SYN2: variants seen among roughly 807,000 people sequenced by gnomAD.
SYN2 encodes the protein synapsin-2.
In SYN2, 19 loss-of-function variants were observed where a neutral mutation model predicts 50.9. The ratio of observed to expected loss-of-function variants is 0.37; its 90% CI spans 0.26 to 0.55. The LOEUF (loss-of-function observed/expected upper bound fraction) is 0.55. Among genes scored for constraint, SYN2 ranks in the 20% least tolerant of loss-of-function variants. The pLI is 0.81. For missense variants in SYN2, 587 were observed against 576.4 expected (o/e 1.02, Z -0.19); for synonymous variants, 255 against 224.9 (o/e 1.13, Z -1.20).
chr3:12,103,373 A>G (rs894243531), intron 1 of SYN2, among the ~76,000 whole-genome samples: 6 of 152,240 alleles, frequency 3.9e-5, no homozygotes, highest in Non-Finnish European at 8.8e-5. Context: ...CAAGATGAAC[A>G]TTGTTTGTAT....
In SYN2 at chr3:12,141,953, GCT is replaced by G; in HGVS notation, c.485_486del (p.Ala162GlyfsTer34). On this transcript the variant is annotated frameshift_variant, in exon 3 of 13. Coordinates refer to ENST00000621198, the MANE Select transcript of SYN2 (RefSeq NM_133625.6). LOFTEE classifies it high-confidence loss of function. ...GGTGGCCCATGCAGATGGCACCTAT[GCT>G]GTGGATATGCAGGTTCTCCGGAATG... ...NLVAHADGTY[A>X]VDMQVLRNGT... 1.3e-6 allele frequency: 1 copy of G among 780,870 alleles called. No homozygotes were observed. The highest frequency in any genetic ancestry group is 2.4e-6 in the Non-Finnish European group (1 of 417,952). 48.4% of individuals were successfully genotyped at this position (780,870 alleles called of 1,614,324 possible). A position where few individuals can be genotyped will look rare whatever the true frequency, so the allele number is the denominator to read the frequency against.
chr3:12,105,576 A>C (rs1696167953), intron 1 of SYN2, among the ~76,000 whole-genome samples: 1 of 150,796 alleles, frequency 6.6e-6, no homozygotes, highest in Non-Finnish European at 1.5e-5. Context: ...ACCATGCTCT[A>C]GGGCAACTCC....
intron 1 of SYN2, among the ~76,000 whole-genome samples, chr3:12,098,856 CATATATATAT>C (rs35420190): frequency 6.0e-5 from 8 of 133,658 alleles, no homozygotes; most frequent in African/African-American, 2.0e-4. Context: ...AAAGCAAAAG[CATATATATAT>C]ATATATATAT....
chr3:12,130,406 T>G (rs1696770229), intron 1 of SYN2, among the ~76,000 whole-genome samples: 1 of 152,104 alleles, frequency 6.6e-6, no homozygotes, highest in Non-Finnish European at 1.5e-5. Flanking sequence ...GGTATAAGTT[T>G]CAATCTGAGT....
At chr3:12,154,049 C>G (rs1053745386) in intron 5 of SYN2, among the ~76,000 whole-genome samples, 1 of 152,174 alleles carries the variant, frequency 6.6e-6, no homozygotes, top group Non-Finnish European at 1.5e-5. Context: ...TAAACATTTA[C>G]AGTAAATTTA....
rs1698436051 is a variant in SYN2, at chr3:12,191,088, G to C, written c.*463G>C. 1 of 986,322 alleles carries C rather than the reference G, an allele frequency of 1.0e-6. No homozygotes were observed. The highest frequency in any genetic ancestry group is 4.7e-5 in the South Asian group (1 of 21,434). The allele number at this position is 986,322 out of a possible 1,614,324, so 61.1% of individuals were successfully genotyped here. On this transcript the variant is annotated 3_prime_UTR_variant, in exon 13 of 13. Coordinates refer to ENST00000621198, the MANE Select transcript of SYN2 (RefSeq NM_133625.6). ...AAAGTACTCTTGGCCCTAAGTTTTA[G>C]GAACTTTCCCCGACCTGGATCCCTT...
chr3:12,179,413 T>C (rs1452051062), intron 10 of SYN2, among the ~76,000 whole-genome samples: 1 of 144,948 alleles, frequency 6.9e-6, no homozygotes, highest in Admixed American at 6.9e-5. Flanking sequence ...AACGAATTCA[T>C]GGAAGCCTAG....
intron 8 of SYN2, among the ~76,000 whole-genome samples, chr3:12,167,992 T>C (rs1436984034): frequency 6.6e-6 from 1 of 152,152 alleles, no homozygotes; most frequent in Non-Finnish European, 1.5e-5. Context: ...GAATTTAGGA[T>C]TGATGGCCTA....
chr3:12,151,186 T>G, intron 4 of SYN2, 51 bp from the exon 5 acceptor site: 2 of 1,317,352 alleles, frequency 1.5e-6, no homozygotes, highest in Non-Finnish European at 2.2e-6. Context: ...ATGTTTCATC[T>G]GTTTCAGAAG....
intron 1 of SYN2, among the ~76,000 whole-genome samples, chr3:12,044,207 A>ACACC (rs1553610016): frequency 0.093 from 13,504 of 144,628 alleles, 654 homozygotes; most frequent in South Asian, 0.13. Flanking sequence ...ACACACACAC[A>ACACC]CACACACACA....
chr3:12,120,117 A>G (rs1696521511), intron 1 of SYN2, among the ~76,000 whole-genome samples: 1 of 152,306 alleles, frequency 6.6e-6, no homozygotes, highest in South Asian at 2.1e-4. Context: ...CCAGGGCTCC[A>G]TAGAACATGG....
intron 1 of SYN2, among the ~76,000 whole-genome samples, chr3:12,050,986 C>T (rs962081089): frequency 2.6e-5 from 4 of 151,592 alleles, no homozygotes; most frequent in Admixed American, 1.3e-4. Context: ...CCACCCGCCT[C>T]GGCCTCCCAA....
chr3:12,063,032 A>G (rs1470211283), intron 1 of SYN2, among the ~76,000 whole-genome samples: 1 of 151,964 alleles, frequency 6.6e-6, no homozygotes, highest in Non-Finnish European at 1.5e-5. Flanking sequence ...GGAAAAGGCA[A>G]AACTATAGTA....
chr3:12,079,112 T>C (rs1246933733), intron 1 of SYN2, among the ~76,000 whole-genome samples: 2 of 152,158 alleles, frequency 1.3e-5, no homozygotes, highest in South Asian at 2.1e-4. Context: ...TAGCCTGTTG[T>C]TGGTGTATAG....
Position 12,004,887 on chromosome 3 carries a change from G to T in SYN2, c.336G>T (p.Lys112Asn). 2 of 584,832 alleles carry T rather than the reference G, an allele frequency of 3.4e-6. No individual in the cohort carries two copies. Among genetic ancestry groups the T allele is most frequent in the Admixed American group, 2.9e-5 (1 of 35,048 alleles). The allele number at this position is 584,832 out of a possible 1,614,324, so 36.2% of individuals were successfully genotyped here. Residue 112 changes from lysine to asparagine, a missense_variant, in exon 1 of 13, where the codon AAG (lysine) becomes AAT (asparagine). Physicochemically the swap from Lys to Asn is moderately conservative, Grantham distance 94. Transcript: ENST00000621198. ...CTCCCGCGCCCGCAGCCGCCAGGAA[G>T]GCCAAGGTGCTGCTGGTGGTCGACG... ...APAPAPAAAR[K>N]AKVLLVVDEP... is the part of the protein sequence containing the mutation.
intron 8 of SYN2, among the ~76,000 whole-genome samples, chr3:12,167,522 A>G (rs1471245804): frequency 6.6e-6 from 1 of 152,212 alleles, no homozygotes; most frequent in African/African-American, 2.4e-5. Context: ...CATAGGTAAA[A>G]GCTTCCTGAG....
chr3:12,050,384 C>G lies in SYN2; in HGVS notation c.377+45456C>G, dbSNP rs539084990. 2.8e-5 allele frequency among the ~76,000 whole-genome samples: 4 copies of G among 142,230 alleles called. No individual in the cohort carries two copies. The South Asian group carries it at 9.0e-4, about 32-fold the overall frequency. 93.3% of individuals were successfully genotyped at this position (142,230 alleles called of 152,430 possible). Reference sequence around the variant, plus strand: ...TTTTGGAGATAGAGTTTTGCTCTGTCCCCCAGGCTGGAGTGCAGTGGTACG... The same window carrying G: ...TTTTGGAGATAGAGTTTTGCTCTGTGCCCCAGGCTGGAGTGCAGTGGTACG... On this transcript the variant is annotated intron_variant, in intron 1 of 12. Transcript: ENST00000621198.
intron 1 of SYN2, among the ~76,000 whole-genome samples, chr3:12,060,045 C>T (rs986636493): frequency 6.6e-6 from 1 of 152,136 alleles, no homozygotes; most frequent in Non-Finnish European, 1.5e-5. Flanking sequence ...TATGGAAAGA[C>T]AAGCCAATCT....
intron 1 of SYN2, among the ~76,000 whole-genome samples, chr3:12,118,126 A>G (rs1696472968): frequency 6.6e-6 from 1 of 152,210 alleles, no homozygotes. Context: ...TCTAAGTTTT[A>G]TGTTCATGAG....
Sources: allele counts gnomAD v4.1 joint callset (sites outside exome capture counted in the v4.1 genomes callset), GRCh38; gene constraint gnomAD v4.1.1; transcripts MANE v1.5; gene names NCBI Gene and HGNC (gene_info 2026-07-23, HGNC 2026-07-21).